Variants in COQ8B observed in about 807,000 individuals in gnomAD.
The protein encoded by COQ8B is coenzyme Q8B, also known as atypical kinase COQ8B, mitochondrial.
A neutral mutation model predicts 62.0 loss-of-function variants in COQ8B; 44 were observed. The observed-to-expected ratio is 0.71, with a 90% CI of 0.56 to 0.91. The LOEUF (loss-of-function observed/expected upper bound fraction) is 0.91, where lower values mean the gene tolerates loss of function less well. COQ8B is among the 40% of genes least tolerant of loss of function. COQ8B has a pLI of 0.00. For missense variants in COQ8B, 649 were observed against 731.6 expected (o/e 0.89, Z 1.30); for synonymous variants, 252 against 289.9 (o/e 0.87, Z 1.33).
chr19:40,694,790 A>G (rs1419255310), intron 13 of COQ8B, among the ~76,000 whole-genome samples: 1 of 152,072 alleles, frequency 6.6e-6, no homozygotes. Flanking sequence ...TCAGGTCTCA[A>G]TGCTGACACT....
intron 12 of COQ8B, among the ~76,000 whole-genome samples, chr19:40,699,467 G>A (rs936656893): frequency 9.2e-5 from 14 of 151,920 alleles, no homozygotes; most frequent in Admixed American, 2.6e-4. Flanking sequence ...CTAGGTCATC[G>A]CTGTGTGGTG....
rs1384148505 is a variant in COQ8B, at chr19:40,703,833, C to A, written c.599G>T (p.Gly200Val). 1 of 1,611,412 alleles carries A rather than the reference C, an allele frequency of 6.2e-7. No homozygotes were observed. The highest frequency in any genetic ancestry group is 1.3e-5 in the African/African-American group (1 of 74,898). The change falls in exon 8 of 15, where the codon GGC becomes GTC. Residue 200 changes from glycine (G) to valine (V), a missense_variant. Transcript: ENST00000324464. Reference sequence around the variant, plus strand: ...GGCCACCTTGGCCTGCCAGTCCCTGCCGAGCTCCTCTTCAAGAACTCTCTG... The same window carrying A: ...GGCCACCTTGGCCTGCCAGTCCCTGACGAGCTCCTCTTCAAGAACTCTCTG... The part of the protein sequence containing the change: ...QMLRVLEEEL[G>V]RDWQAKVASL...
chr19:40,702,348 G>A (rs746393898), intron 10 of COQ8B, among the ~76,000 whole-genome samples: 8 of 152,032 alleles, frequency 5.3e-5, no homozygotes, highest in East Asian at 3.9e-4. Flanking sequence ...TGCCTGTGTC[G>A]GACCACAGTG....
chr19:40,692,397 G>A, intron 14 of COQ8B, 24 bp from the exon 15 acceptor site: 1 of 1,604,580 alleles, frequency 6.2e-7, no homozygotes. Flanking sequence ...TGGGGGGAGA[G>A]CAAAGGCAGC....
At chr19:40,695,892 A>T in intron 13 of COQ8B, 97 bp downstream of exon 13, 1 of 1,238,154 alleles carries the variant, frequency 8.1e-7, no homozygotes, top group Non-Finnish European at 1.2e-6. Flanking sequence ...ATTATTTCTT[A>T]ATTCCAGAAA....
At chr19:40,713,366 G>C (rs1411363095) in intron 4 of COQ8B, among the ~76,000 whole-genome samples, 5 of 152,146 alleles carry the variant, frequency 3.3e-5, no homozygotes, top group Non-Finnish European at 4.4e-5. Context: ...GACAAACATG[G>C]TGAAACCCCG....
At chr19:40,711,539 C>G (rs1457314589) in intron 4 of COQ8B, among the ~76,000 whole-genome samples, 1 of 152,146 alleles carries the variant, frequency 6.6e-6, no homozygotes, top group Non-Finnish European at 1.5e-5. Flanking sequence ...CTTTCTAAGC[C>G]AGTTATTTCT....
chr19:40,705,264 T>C (rs2082091730), intron 6 of COQ8B, 61 bp downstream of exon 6: 33 of 1,589,654 alleles, frequency 2.1e-5, no homozygotes, highest in African/African-American at 2.7e-5. Context: ...TGGGGCCTGT[T>C]GGTGGGTAGG....
intron 12 of COQ8B, 145 bp downstream of exon 12, chr19:40,699,922 G>A (rs2082048112): frequency 5.6e-6 from 4 of 709,638 alleles, no homozygotes; most frequent in South Asian, 5.3e-5. Flanking sequence ...AAGGGAAGGA[G>A]CTGGGTCCCT....
chr19:40,700,099 C>A lies in COQ8B; in HGVS notation c.1111G>T (p.Ala371Ser). 1 of 1,614,240 alleles carries A rather than the reference C, an allele frequency of 6.2e-7. No individual in the cohort carries two copies. The highest frequency in any genetic ancestry group is 8.5e-7 in the Non-Finnish European group (1 of 1,180,036). ...FRFMQTDPNW[A>S]NFLYDASSHQ... ...CTGGAGGCATCATACAGGAAGTTGG[C>A]CCAGTTGGGGTCAGTCTGCATGAAT... Residue 371 changes from alanine to serine, a missense_variant, in exon 12 of 15, where the codon GCC becomes TCC. Physicochemically the swap from Ala to Ser is moderately conservative, Grantham distance 99. Coordinates refer to ENST00000324464, the MANE Select transcript of COQ8B (RefSeq NM_024876.4).
At chr19:40,692,417 CAT>C in intron 14 of COQ8B, 44 bp from the exon 15 acceptor site, 1 of 1,568,794 alleles carries the variant, frequency 6.4e-7, no homozygotes, top group Non-Finnish European at 8.7e-7. Flanking sequence ...CCAGTGTGGA[CAT>C]AGAGCCCTCT....
At chr19:40,703,403 G>A in intron 9 of COQ8B, 138 bp downstream of exon 9, 1 of 873,222 alleles carries the variant, frequency 1.1e-6, no homozygotes, top group African/African-American at 1.7e-5. Context: ...CCGCCTTGGT[G>A]TCCTTTCTGT....
chr19:40,705,395 C>T lies in COQ8B; in HGVS notation c.420G>A (p.Glu140=). The T allele has an allele frequency of 6.3e-7, 1 of 1,596,080 alleles. No homozygotes were observed. The highest frequency in any genetic ancestry group is 1.3e-5 in the African/African-American group (1 of 74,748). ...SSPFLSEANA[E]RIVQTLCTVR... Reference sequence around the variant, plus strand: ...CTGTACATAAGGTCTGCACAATCCGCTCGGCATTGGCCTCCGACAGGAAGG... The same window carrying T: ...CTGTACATAAGGTCTGCACAATCCGTTCGGCATTGGCCTCCGACAGGAAGG... Residue 140 remains glutamate (E), a synonymous_variant, in exon 6 of 15, where the codon GAG becomes GAA. Coordinates refer to ENST00000324464, the MANE Select transcript of COQ8B (RefSeq NM_024876.4).
chr19:40,700,431 G>A lies in COQ8B; in HGVS notation c.914C>T (p.Pro305Leu), dbSNP rs893635174. Residue 305 changes from proline to leucine, a missense_variant, in exon 11 of 15, where the codon CCC (proline) becomes CTC (leucine). Coordinates refer to ENST00000324464, the MANE Select transcript of COQ8B (RefSeq NM_024876.4). ...AACCACGGCTGGGACCCGGAAGAAG[G>A]GGTCATTTGCCAGCAGCTGCCTGGG... The part of the protein sequence containing the change: ...QNFRQLLAND[P>L]FFRVPAVVKE... The A allele has an allele frequency of 5.6e-6, 9 of 1,613,716 alleles. No homozygotes were observed. The highest frequency in any genetic ancestry group is 7.6e-6 in the Non-Finnish European group (9 of 1,179,912).
chr19:40,711,589 ATC>A (rs1268314914), intron 4 of COQ8B, among the ~76,000 whole-genome samples: 1 of 151,242 alleles, frequency 6.6e-6, no homozygotes. Context: ...ATCTATCTAG[ATC>A]TCTTTCTCTC....
At position 40,702,519 on chromosome 19, in the gene COQ8B, C is replaced by T. The variant is rs182007627; in HGVS notation, c.893+81G>A. The stretch of plus-strand genomic sequence containing the variant: ...AGTTTGCCCTACCCCACAGCTCCAG[C>T]TGCCAGAAGCTGAGGGGGCAGCTAC... On this transcript the variant is annotated intron_variant, in intron 10 of 14. Transcript: ENST00000324464. 3,700 of 1,333,632 alleles carry T rather than the reference C, an allele frequency of 2.8e-3. 7 individuals carry two copies. The highest frequency in any genetic ancestry group is 3.1e-3 in the Non-Finnish European group (2,881 of 929,418). 82.6% of individuals were successfully genotyped at this position (1,333,632 alleles called of 1,614,324 possible). A position where few individuals can be genotyped will look rare whatever the true frequency, so the allele number is the denominator to read the frequency against.
rs376652595 is a variant in COQ8B at position 40,692,241 on chromosome 19, G to T, written c.1429C>A (p.Arg477=). The change falls in exon 15 of 15, where the codon CGG becomes AGG. Residue 477 remains arginine (R), a synonymous_variant. Transcript: ENST00000324464. ...GTCTCCTCGGGTGGGGGACACAGCC[G>T]GTGCCGCAGCAGCACCGGGATGAGG... The part of the protein sequence containing the change: ...QDLIPVLLRH[R]LCPPPEETYA... The T allele has an allele frequency of 6.8e-6, 11 of 1,611,214 alleles. No individual in the cohort carries two copies. The highest frequency in any genetic ancestry group is 9.3e-6 in the Non-Finnish European group (11 of 1,178,672).
chr19:40,692,776 G>A (rs2081983781), intron 14 of COQ8B, among the ~76,000 whole-genome samples, 175 bp downstream of exon 14: 1 of 151,412 alleles, frequency 6.6e-6, no homozygotes, highest in South Asian at 2.1e-4. Flanking sequence ...CACTCCCCAG[G>A]TATAGACACA....
rs923520356 is a variant in COQ8B, at chr19:40,692,467, C to T, written c.1297-94G>A. ...AACAACGTGTAGCCTCCACTCCCTC[C>T]AGTCTCCACCATCAACACAAGCCCC... On this transcript the variant is annotated intron_variant, in intron 14 of 14. Transcript: ENST00000324464. The T allele has an allele frequency of 2.1e-5, 23 of 1,076,226 alleles. No homozygotes were observed. The African/African-American group carries it at 3.3e-4, about 15-fold the overall frequency. 66.7% of individuals were successfully genotyped at this position (1,076,226 alleles called of 1,614,324 possible). A position where few individuals can be genotyped will look rare whatever the true frequency, so the allele number is the denominator to read the frequency against.
Sources: allele counts gnomAD v4.1 joint callset (sites outside exome capture counted in the v4.1 genomes callset), GRCh38; gene constraint gnomAD v4.1.1; transcripts MANE v1.5; gene names NCBI Gene and HGNC (gene_info 2026-07-23, HGNC 2026-07-21).